Variants in PTCHD4 observed in about 807,000 individuals in gnomAD.
The protein encoded by PTCHD4 is patched domain containing 4, also known as patched domain-containing protein 4.
PTCHD4 carries 33 observed loss-of-function variants against 58.1 expected under a neutral mutation model. That is an observed-to-expected ratio of 0.57 (90% CI 0.43 to 0.76). The LOEUF (loss-of-function observed/expected upper bound fraction) is 0.76. Ranked by LOEUF, PTCHD4 falls within the 30% of genes least tolerant of loss-of-function variation. PTCHD4 has a pLI of 0.00. For synonymous variants in PTCHD4, 478 were observed against 409.6 expected (o/e 1.17, Z -2.02); for missense variants, 1,058 against 1,027.1 (o/e 1.03, Z -0.41).
chr6:47,899,096 AG>A (rs1430252963), intron 4 of PTCHD4, among the ~76,000 whole-genome samples: 1 of 152,264 alleles, frequency 6.6e-6, no homozygotes, highest in Admixed American at 6.5e-5. Flanking sequence ...AAGCAGATAC[AG>A]GTCTAGGAGA....
intron 1 of PTCHD4, among the ~76,000 whole-genome samples, chr6:48,086,274 T>C (rs1022975886): frequency 2.9e-4 from 44 of 152,192 alleles, no homozygotes; most frequent in African/African-American, 8.9e-4. Context: ...TTTCATACAG[T>C]TTTCACTTGC....
At chr6:48,027,290 T>C (rs1274236721) in intron 3 of PTCHD4, among the ~76,000 whole-genome samples, 1 of 152,152 alleles carries the variant, frequency 6.6e-6, no homozygotes, top group Non-Finnish European at 1.5e-5. Context: ...CAAATGTTTT[T>C]TTCCAGTTCA....
intron 4 of PTCHD4, among the ~76,000 whole-genome samples, chr6:47,961,207 G>A (rs909495852): frequency 6.6e-6 from 1 of 151,742 alleles, no homozygotes. Context: ...TTCAAAAATT[G>A]GGAAACTATA....
rs551825099 is a variant in PTCHD4, at chr6:48,036,138, G to A, written c.418-27024C>T. On this transcript the variant is annotated intron_variant, in intron 3 of 4. Transcript: ENST00000339488. ...AGGTCAAATTTCACACCAGGAAAAT[G>A]GCAAAAAGTTTAATTTTTTTTCACT... 5.3e-5 allele frequency among the ~76,000 whole-genome samples: 8 copies of A among 152,080 alleles called. No homozygotes were observed. The South Asian group carries it at 1.5e-3, about 28-fold the overall frequency.
At chr6:47,893,311 T>C (rs1476951106) in intron 4 of PTCHD4, among the ~76,000 whole-genome samples, 1 of 152,210 alleles carries the variant, frequency 6.6e-6, no homozygotes, top group East Asian at 1.9e-4. Flanking sequence ...GACCAGGTTG[T>C]AGAGATTTTT....
chr6:47,941,190 G>C (rs1033371970), intron 4 of PTCHD4, among the ~76,000 whole-genome samples: 1 of 152,212 alleles, frequency 6.6e-6, no homozygotes, highest in African/African-American at 2.4e-5. Flanking sequence ...CCACCAATGA[G>C]AGACACTTTT....
chr6:47,931,892 C>A (rs1765835894), intron 4 of PTCHD4, among the ~76,000 whole-genome samples: 1 of 152,058 alleles, frequency 6.6e-6, no homozygotes. Flanking sequence ...GAATTATAGT[C>A]ATTTTAGTGG....
rs552166113 is a variant in PTCHD4, at chr6:47,957,403, A to G, written c.898+51231T>C. On this transcript the variant is annotated intron_variant, in intron 4 of 4. Transcript: ENST00000339488. ...ATTATTTCTAAGACCATTCAGAAATACTATTTGCTAAAGATGTACTTTCTA... is the reference window on the plus strand; with the variant it reads ...ATTATTTCTAAGACCATTCAGAAATGCTATTTGCTAAAGATGTACTTTCTA... 2.3e-4 allele frequency among the ~76,000 whole-genome samples: 35 copies of G among 150,556 alleles called. 1 individual carries two copies. The South Asian group carries it at 6.8e-3, about 29-fold the overall frequency.
intron 3 of PTCHD4, among the ~76,000 whole-genome samples, chr6:48,015,474 A>G (rs893527279): frequency 2.0e-5 from 3 of 151,876 alleles, no homozygotes; most frequent in Non-Finnish European, 4.4e-5. Context: ...CTCTGCTCCA[A>G]CTATTTTTTT....
intron 4 of PTCHD4, among the ~76,000 whole-genome samples, chr6:47,932,669 AAC>A (rs61435287): frequency 0.017 from 2,555 of 152,296 alleles, 74 homozygotes; most frequent in African/African-American, 0.059. Context: ...GCTACCGAAA[AAC>A]ACAGTTTTGA....
At chr6:48,075,861 AGGGT>A (rs1765056473) in intron 1 of PTCHD4, among the ~76,000 whole-genome samples, 1 of 152,232 alleles carries the variant, frequency 6.6e-6, no homozygotes, top group African/African-American at 2.4e-5. Context: ...CTGACTGCTC[AGGGT>A]GATGGTTGCT....
intron 3 of PTCHD4, among the ~76,000 whole-genome samples, chr6:48,018,790 C>T (rs564295595): frequency 5.9e-5 from 9 of 152,202 alleles, no homozygotes; most frequent in African/African-American, 1.7e-4. Flanking sequence ...GCAGGCATTC[C>T]GATATCAAAC....
intron 4 of PTCHD4, among the ~76,000 whole-genome samples, chr6:47,912,482 T>C (rs1027968112): frequency 6.6e-6 from 1 of 152,114 alleles, no homozygotes; most frequent in East Asian, 1.9e-4. Context: ...CAACACTAAA[T>C]GCCAAAATAG....
chr6:47,942,774 C>A (rs1310929921), intron 4 of PTCHD4, among the ~76,000 whole-genome samples: 1 of 152,200 alleles, frequency 6.6e-6, no homozygotes, highest in Non-Finnish European at 1.5e-5. Flanking sequence ...TTGGCAGATG[C>A]CACCAAGGGG....
At chr6:47,888,001 T>G (rs1475158766) in intron 4 of PTCHD4, among the ~76,000 whole-genome samples, 1 of 152,184 alleles carries the variant, frequency 6.6e-6, no homozygotes, top group Non-Finnish European at 1.5e-5. Flanking sequence ...TATCTTGTCC[T>G]TAAGCAAGAA....
Position 47,878,474 on chromosome 6 carries a change from G to A in PTCHD4, c.2361C>T (p.Leu787=), listed in dbSNP as rs149911269. 13 of 1,613,480 alleles carry A rather than the reference G, an allele frequency of 8.1e-6. No individual in the cohort carries two copies. The highest frequency in any genetic ancestry group is 1.7e-4 in the Middle Eastern group (1 of 6,056). ...AGTGCAGAAGTGTGCAACCCCCAGT[G>A]AGCAGCAAGCATTTGAACAGTGTGA... The part of the protein sequence containing the change: ...LTFTLFKCLL[L]TGGCTLLHCF... Residue 787 remains leucine, a synonymous_variant, in exon 5 of 5, where the codon CTC becomes CTT. Transcript: ENST00000339488.
At chr6:48,001,681 T>C (rs1414415747) in intron 4 of PTCHD4, among the ~76,000 whole-genome samples, 1 of 152,152 alleles carries the variant, frequency 6.6e-6, no homozygotes, top group Non-Finnish European at 1.5e-5. Context: ...GGCAATACCA[T>C]TCAGGACATA....
rs377070698 is a variant in PTCHD4 at position 47,867,343 on chromosome 6, A to G, written c.*10960T>C. Among the ~76,000 whole-genome samples, 3 of 151,752 alleles carry G rather than the reference A, an allele frequency of 2.0e-5. No individual in the cohort carries two copies. The highest frequency in any genetic ancestry group is 1.9e-4 in the East Asian group (1 of 5,136). ...CAACCACTACATTTCAAAGCAAGAG[A>G]GATTATAAATTTATGTGATATTGCT... On this transcript the variant is annotated 3_prime_UTR_variant, in exon 5 of 5. Coordinates refer to ENST00000339488, the MANE Select transcript of PTCHD4 (RefSeq NM_001384253.1).
chr6:48,067,644 G>T (rs1398496266), intron 3 of PTCHD4, among the ~76,000 whole-genome samples: 1 of 152,046 alleles, frequency 6.6e-6, no homozygotes, highest in Non-Finnish European at 1.5e-5. Context: ...GATGTAAATA[G>T]GTGGATATGA....
Sources: allele counts gnomAD v4.1 joint callset (sites outside exome capture counted in the v4.1 genomes callset), GRCh38; gene constraint gnomAD v4.1.1; transcripts MANE v1.5; gene names NCBI Gene and HGNC (gene_info 2026-07-23, HGNC 2026-07-21).